The following ACYP2 variants were observed in gnomAD, a reference collection of about 807,000 sequenced individuals.
ACYP2 encodes acylphosphatase 2, also known as acylphosphatase-2.
In ACYP2, 12 loss-of-function variants were observed where a neutral mutation model predicts 11.2. The observed-to-expected ratio is 1.08, with a 90% CI of 0.69 to 1.74. The LOEUF is 1.74. ACYP2 is among the 40% of genes most tolerant of loss of function. ACYP2 has a pLI of 0.00. For missense variants in ACYP2, 134 were observed against 101.9 expected, an observed-to-expected ratio of 1.31 and a Z score of -1.35; for synonymous variants, 43 against 32.2, an observed-to-expected ratio of 1.33 and a Z score of -1.13.
At chr2:54,111,924 G>A (rs1280129527) in intron 4 of ACYP2, among the ~76,000 whole-genome samples, 1 of 152,134 alleles carries the variant, frequency 6.6e-6, no homozygotes, top group Non-Finnish European at 1.5e-5. Context: ...GAGAGTTACA[G>A]GCGGTACCTC....
intron 6 of ACYP2, among the ~76,000 whole-genome samples, chr2:54,302,577 T>G (rs843768): frequency 0.56 from 85,725 of 151,938 alleles, 24,797 homozygotes; most frequent in African/African-American, 0.68. Context: ...TTTCGATACT[T>G]TCTATCTGCT....
chr2:54,020,883 G>C (rs1673972275), intron 2 of ACYP2, among the ~76,000 whole-genome samples: 1 of 152,168 alleles, frequency 6.6e-6, no homozygotes, highest in Non-Finnish European at 1.5e-5. Flanking sequence ...AAGGTCATTT[G>C]TGTTAAAGAA....
chr2:54,262,942 G>C (rs2104049150), intron 6 of ACYP2, among the ~76,000 whole-genome samples: 1 of 152,284 alleles, frequency 6.6e-6, no homozygotes, highest in African/African-American at 2.4e-5. Flanking sequence ...TTTAGAAGCT[G>C]GGTGTAGTGG....
At chr2:54,152,928 G>T (rs1346906479) in intron 6 of ACYP2, among the ~76,000 whole-genome samples, 2 of 152,090 alleles carry the variant, frequency 1.3e-5, no homozygotes, top group Non-Finnish European at 2.9e-5. Context: ...CTTTCAAGTA[G>T]CTGGTATTAC....
At chr2:54,040,285 A>T (rs1229940803) in intron 2 of ACYP2, among the ~76,000 whole-genome samples, 1 of 152,094 alleles carries the variant, frequency 6.6e-6, no homozygotes, top group African/African-American at 2.4e-5. Flanking sequence ...AAGGAACAGG[A>T]TTTGGTGGTA....
intron 2 of ACYP2, among the ~76,000 whole-genome samples, chr2:54,020,128 G>T (rs537643817): frequency 1.3e-5 from 2 of 152,052 alleles, no homozygotes; most frequent in African/African-American, 4.8e-5. Context: ...GTAGAGATGG[G>T]GTTTAGCCAT....
At chr2:54,091,349 AG>A (rs1678215045) in intron 4 of ACYP2, among the ~76,000 whole-genome samples, 1 of 152,182 alleles carries the variant, frequency 6.6e-6, no homozygotes, top group Non-Finnish European at 1.5e-5. Context: ...AAAAAAGATG[AG>A]AAAAAATGTT....
At chr2:53,972,136 C>T (rs1390782437) in intron 1 of ACYP2, among the ~76,000 whole-genome samples, 3 of 151,122 alleles carry the variant, frequency 2.0e-5, no homozygotes, top group African/African-American at 7.3e-5. Flanking sequence ...GGTGAAACCC[C>T]GTCTCTACTA....
chr2:54,167,419 T>C (rs1437677729), intron 6 of ACYP2, among the ~76,000 whole-genome samples: 5 of 152,236 alleles, frequency 3.3e-5, no homozygotes, highest in Non-Finnish European at 5.9e-5. Flanking sequence ...TTTTGGACAC[T>C]GTATTACAAA....
chr2:54,135,578 T>A (rs1454280667), intron 5 of ACYP2, 109 bp downstream of exon 2: 1 of 788,718 alleles, frequency 1.3e-6, no homozygotes, highest in Admixed American at 3.0e-5. Context: ...TTACTCCCTG[T>A]CCTTGACAGC....
At position 53,988,887 on chromosome 2, in the gene ACYP2, C is replaced by T. The variant is rs115136914; in HGVS notation, c.62+15077C>T. Among the ~76,000 whole-genome samples, 697 of 152,240 alleles carry T rather than the reference C, an allele frequency of 4.6e-3. 5 individuals are homozygous for T. The highest frequency in any genetic ancestry group is 0.016 in the African/African-American group (674 of 41,530). On this transcript the variant is annotated intron_variant, in intron 2 of 6. Coordinates refer to ENST00000607452, the MANE Select transcript of ACYP2 (RefSeq NM_001320586.2). ...TTAGGCTCCTTAGCAGCTGGGATTA[C>T]AGGTGCGCGCTACCATGCCCACCTA...
intron 4 of ACYP2, among the ~76,000 whole-genome samples, chr2:54,068,957 C>T (rs909910491): frequency 3.9e-5 from 6 of 152,030 alleles, no homozygotes; most frequent in Non-Finnish European, 7.4e-5. Flanking sequence ...GGCAGGGTCT[C>T]TCTCTGTCGC....
intron 6 of ACYP2, chr2:54,256,343 C>CT (rs1687534237): frequency 3.2e-6 from 2 of 617,394 alleles, no homozygotes; most frequent in South Asian, 2.2e-5. Flanking sequence ...GTCTTTACGT[C>CT]TTTGTTATTT....
intron 2 of ACYP2, among the ~76,000 whole-genome samples, chr2:53,982,873 T>TGTGTGTGTGA (rs975722003): frequency 7.4e-6 from 1 of 135,650 alleles, no homozygotes; most frequent in Non-Finnish European, 1.6e-5. Context: ...TGTGTGTGTG[T>TGTGTGTGTGA]GATATAAATA....
chr2:54,268,447 G>A (rs926163449), intron 6 of ACYP2, among the ~76,000 whole-genome samples: 1 of 151,948 alleles, frequency 6.6e-6, no homozygotes, highest in Admixed American at 6.6e-5. Context: ...GCAAAGTAAG[G>A]GAACTTGCCT....
chr2:54,207,535 T>A (rs1467313593), intron 6 of ACYP2, among the ~76,000 whole-genome samples: 1 of 152,228 alleles, frequency 6.6e-6, no homozygotes, highest in East Asian at 1.9e-4. Context: ...GACTAAAATT[T>A]GACCAAACAA....
intron 4 of ACYP2, among the ~76,000 whole-genome samples, chr2:54,117,522 G>A (rs1244400125): frequency 6.6e-6 from 1 of 152,106 alleles, no homozygotes; most frequent in Non-Finnish European, 1.5e-5. Context: ...CGAAATCCTG[G>A]CTTCAAGGGA....
chr2:53,978,865 C>A (rs968269104), intron 2 of ACYP2, among the ~76,000 whole-genome samples: 2 of 151,644 alleles, frequency 1.3e-5, no homozygotes, highest in Admixed American at 6.6e-5. Flanking sequence ...AGAGGTTGCA[C>A]TGAGCTGAGA....
chr2:54,139,352 T>TC (rs1428383821), intron 6 of ACYP2, among the ~76,000 whole-genome samples: 2 of 152,230 alleles, frequency 1.3e-5, no homozygotes, highest in Non-Finnish European at 2.9e-5. Flanking sequence ...ATTTTATTTT[T>TC]CCTGCCAATG....
Sources: gnomAD v4.1 joint callset for allele counts (sites outside exome capture counted in the v4.1 genomes callset) on GRCh38, gnomAD v4.1.1 for gene constraint, MANE v1.5 for transcripts, NCBI Gene and HGNC (gene_info 2026-07-23, HGNC 2026-07-21) for gene names.